ANKLE2: variants seen among roughly 807,000 people sequenced by gnomAD.
ANKLE2 encodes the protein ankyrin repeat and LEM domain containing 2.
Under a neutral mutation model 84.2 loss-of-function variants are expected in ANKLE2, and 55 were observed. The observed-to-expected ratio is 0.65, with a 90% CI of 0.53 to 0.82. ANKLE2 has a LOEUF of 0.82. Ranked by LOEUF, ANKLE2 falls within the 40% of genes least tolerant of loss-of-function variation. ANKLE2 has a pLI of 0.00. For synonymous variants in ANKLE2, 551 were observed against 486.1 expected (o/e 1.13, Z -1.76); for missense variants, 1,238 against 1,201.9 (o/e 1.03, Z -0.44).
chr12:132,732,956 C>G (rs1322292644), intron 10 of ANKLE2, among the ~76,000 whole-genome samples: 19 of 129,936 alleles, frequency 1.5e-4, no homozygotes, highest in East Asian at 4.9e-4. Flanking sequence ...CTCTCTGCGT[C>G]CTGGTGTCTG....
intron 7 of ANKLE2, among the ~76,000 whole-genome samples, chr12:132,740,192 C>A (rs999164212): frequency 2.6e-5 from 4 of 152,220 alleles, no homozygotes; most frequent in African/African-American, 9.6e-5. Flanking sequence ...AGCGACGCCT[C>A]AACGGCCCTG....
rs1165791062 is a variant in ANKLE2, at chr12:132,727,970, G to A, written c.2615+62C>T. The A allele has an allele frequency of 2.6e-6, 4 of 1,558,276 alleles. No homozygotes were observed. In the East Asian group the frequency reaches 6.8e-5, roughly 26 times the overall value. On this transcript the variant is annotated intron_variant, in intron 12 of 12. Coordinates refer to ENST00000357997, the MANE Select transcript of ANKLE2 (RefSeq NM_015114.3). ...TGATAGGTTCGCATGAAGTGGAACT[G>A]GACCCTGCAGAAGTTTCCAAAAGCT...
chr12:132,727,533 C>A, intron 12 of ANKLE2, 90 bp from the exon 13 acceptor site: 1 of 1,462,784 alleles, frequency 6.8e-7, no homozygotes, highest in South Asian at 1.2e-5. Flanking sequence ...CAGACTCAGG[C>A]ACATGCGCCC....
intron 2 of ANKLE2, among the ~76,000 whole-genome samples, chr12:132,754,288 G>C (rs1350342818): frequency 6.6e-6 from 1 of 152,092 alleles, no homozygotes; most frequent in South Asian, 2.1e-4. Context: ...ACAAATCTTT[G>C]ATGCTGAAAA....
At chr12:132,752,963 G>C (rs1167958322) in intron 2 of ANKLE2, among the ~76,000 whole-genome samples, 2 of 144,974 alleles carry the variant, frequency 1.4e-5, no homozygotes, top group African/African-American at 5.1e-5. Context: ...TTCAAGACCA[G>C]ACTAAGCAAT....
At chr12:132,747,135 T>C (rs2044254967) in intron 5 of ANKLE2, among the ~76,000 whole-genome samples, 1 of 152,246 alleles carries the variant, frequency 6.6e-6, no homozygotes, top group Non-Finnish European at 1.5e-5. Flanking sequence ...GGCATGGGCA[T>C]CGGCCAGGAT....
At chr12:132,731,319 G>C (rs1434269465) in intron 10 of ANKLE2, 2 of 152,264 alleles carry the variant, frequency 1.3e-5, no homozygotes, top group African/African-American at 4.8e-5. Flanking sequence ...AATGATTCCT[G>C]TATAACGACG....
At chr12:132,745,926 G>A (rs2136152462) in intron 5 of ANKLE2, among the ~76,000 whole-genome samples, 1 of 152,350 alleles carries the variant, frequency 6.6e-6, no homozygotes, top group African/African-American at 2.4e-5. Context: ...AATTTCAACA[G>A]TTGTGTACAT....
Position 132,743,160 on chromosome 12 carries a change from A to G in ANKLE2, c.1347T>C (p.Pro449=). The G allele has an allele frequency of 1.2e-6, 2 of 1,604,488 alleles. No homozygotes were observed. Among genetic ancestry groups the G allele is most frequent in the Non-Finnish European group, 1.7e-6 (2 of 1,174,230 alleles). ...KNSRNKYDKT[P]EDVICERSKN... Reference sequence around the variant, plus strand: ...CATTGTAATAAGTACTTACATCTTCAGGTGTTTTATCATATTTATTCCTTG... The same window carrying G: ...CATTGTAATAAGTACTTACATCTTCGGGTGTTTTATCATATTTATTCCTTG... Residue 449 remains proline, a synonymous_variant, in exon 6 of 13, where the codon CCT becomes CCC. Coordinates refer to ENST00000357997, the MANE Select transcript of ANKLE2 (RefSeq NM_015114.3). This position sits in a 1 kb window ranked among gnomAD's most constrained non-coding sequence, Gnocchi z 4.1.
chr12:132,750,782 T>C lies in ANKLE2; in HGVS notation c.708A>G (p.Arg236=). ...LQAVKMIKGS[R]FKAFSTREDA... ...CTTCTCTGGTAGAAAAAGCTTTAAA[T>C]CGGGACCCTTTGATCATCTTGACAG... Residue 236 remains arginine, a synonymous_variant, in exon 3 of 13, where the codon CGA becomes CGG. Transcript: ENST00000357997. 1 of 1,614,222 alleles carries C rather than the reference T, an allele frequency of 6.2e-7. No homozygotes were observed. The highest frequency in any genetic ancestry group is 8.5e-7 in the Non-Finnish European group (1 of 1,180,038).
At chr12:132,758,105 C>T (rs1386262143) in intron 1 of ANKLE2, 1 of 152,130 alleles carries the variant, frequency 6.6e-6, no homozygotes, top group Admixed American at 6.5e-5. Context: ...TTTACTGACT[C>T]TTGCATTAGA....
chr12:132,736,712 A>C (rs2044016480), intron 8 of ANKLE2, among the ~76,000 whole-genome samples, 181 bp downstream of exon 8: 1 of 152,212 alleles, frequency 6.6e-6, no homozygotes. Context: ...CCAAGAACAC[A>C]CATTTCTCTG....
chr12:132,740,392 G>A (rs1052622347), intron 7 of ANKLE2, among the ~76,000 whole-genome samples: 3 of 152,192 alleles, frequency 2.0e-5, no homozygotes, highest in Non-Finnish European at 4.4e-5. Context: ...ATTAGGCTCA[G>A]TAGGCCACAA....
intron 3 of ANKLE2, among the ~76,000 whole-genome samples, chr12:132,749,501 T>C (rs2044311664): frequency 1.3e-5 from 2 of 152,278 alleles, no homozygotes; most frequent in African/African-American, 4.8e-5. Context: ...TCCTCACAAA[T>C]TGCAAAGAAG....
intron 1 of ANKLE2, chr12:132,755,703 G>A (rs2044466028): frequency 6.6e-6 from 1 of 151,454 alleles, no homozygotes; most frequent in South Asian, 2.1e-4. Flanking sequence ...TGGGACTACA[G>A]GCGCCTGGAA....
At chr12:132,753,182 T>G (rs2044396635) in intron 2 of ANKLE2, among the ~76,000 whole-genome samples, 1 of 151,886 alleles carries the variant, frequency 6.6e-6, no homozygotes, top group Admixed American at 6.6e-5. Flanking sequence ...TACTGGCACG[T>G]GCCCGTGATC....
At position 132,737,028 on chromosome 12, in the gene ANKLE2, A is replaced by C. The variant is rs771478135; in HGVS notation, c.1458T>G (p.Thr486=). 1.9e-6 allele frequency: 3 copies of C among 1,611,164 alleles called. No individual in the cohort carries two copies. Among genetic ancestry groups the C allele is most frequent in the South Asian group, 1.1e-5 (1 of 90,962 alleles). Reference sequence around the variant, plus strand: ...ACAGCTCCCCGATGACTGGAGAAGAAGTCTCTTCCGCTCTCAGGAGGGGCA... The same window carrying C: ...ACAGCTCCCCGATGACTGGAGAAGACGTCTCTTCCGCTCTCAGGAGGGGCA... ...YYVPLLRAEE[T]SSPVIGELWS... is the part of the protein sequence containing the mutation. Residue 486 remains threonine, a synonymous_variant, in exon 8 of 13, where the codon ACT becomes ACG. Coordinates refer to ENST00000357997, the MANE Select transcript of ANKLE2 (RefSeq NM_015114.3).
intron 1 of ANKLE2, chr12:132,760,753 T>C (rs61951314): frequency 0.073 from 11,047 of 152,294 alleles, 510 homozygotes; most frequent in Admixed American, 0.14. Context: ...CCAGCCCTTT[T>C]GGGTTTTTAC....
Position 132,748,222 on chromosome 12 carries a change from C to T in ANKLE2, c.957G>A (p.Lys319=), listed in dbSNP as rs2044281118. 5.0e-6 allele frequency: 8 copies of T among 1,614,190 alleles called. No homozygotes were observed. The highest frequency in any genetic ancestry group is 5.1e-6 in the Non-Finnish European group (6 of 1,180,046). The part of the protein sequence containing the change: ...LTAKLRKAVE[K]GEEDTFSDLI... ...GGTCAGAAAAGGTGTCCTCCTCTCCCTTCTCCACAGCTTTCCGAAGCTTGG... is the reference window on the plus strand; with the variant it reads ...GGTCAGAAAAGGTGTCCTCCTCTCCTTTCTCCACAGCTTTCCGAAGCTTGG... Residue 319 remains lysine (K), a synonymous_variant, in exon 4 of 13, where the codon AAG becomes AAA. Transcript: ENST00000357997.
Sources: allele counts gnomAD v4.1 joint callset (sites outside exome capture counted in the v4.1 genomes callset), GRCh38; gene constraint gnomAD v4.1.1; non-coding constraint Gnocchi (gnomAD v3.1); transcripts MANE v1.5; gene names NCBI Gene and HGNC (gene_info 2026-07-23, HGNC 2026-07-21).